NBEA: variants seen among roughly 807,000 people sequenced by gnomAD.
NBEA encodes the protein neurobeachin, also known as lysosomal-trafficking regulator 2.
In NBEA, 44 loss-of-function variants were observed where a neutral mutation model predicts 343.4. That is an observed-to-expected ratio of 0.13 (90% confidence interval 0.10 to 0.16). The LOEUF is 0.16. NBEA is among the 10% of genes least tolerant of loss of function. The pLI, the probability that NBEA is intolerant of heterozygous loss-of-function variation, is 1.00. For synonymous variants in NBEA, 1,175 were observed against 1,238.7 expected (o/e 0.95, Z 1.08); for missense variants, 2,555 against 3,631.3 (o/e 0.70, Z 7.62).
At position 35,578,117 on chromosome 13, in the gene NBEA, A is replaced by G. The variant is rs2080836701; in HGVS notation, c.7036-5781A>G. The stretch of plus-strand genomic sequence containing the variant: ...TCAATGTCTTAAAAGTATTGAGATA[A>G]CTAAAAGCTATTGTTAGAAGCCAGA... On this transcript the variant is annotated intron_variant, in intron 45 of 58. Transcript: ENST00000379939. Among the ~76,000 whole-genome samples, 8 of 152,338 alleles carry G rather than the reference A, an allele frequency of 5.3e-5. No individual in the cohort carries two copies. In the South Asian group the frequency reaches 1.7e-3, roughly 32 times the overall value.
intron 55 of NBEA, among the ~76,000 whole-genome samples, chr13:35,662,971 A>C (rs970479345): frequency 1.2e-4 from 18 of 152,172 alleles, no homozygotes; most frequent in Non-Finnish European, 1.5e-5. Flanking sequence ...AATCTTACAA[A>C]TACTTTTTTA....
At chr13:35,141,373 T>C (rs2068083711) in intron 17 of NBEA, among the ~76,000 whole-genome samples, 1 of 152,198 alleles carries the variant, frequency 6.6e-6, no homozygotes, top group Non-Finnish European at 1.5e-5. Context: ...TTTAAGCGAT[T>C]CTTCTGCCTC....
At chr13:35,670,292 C>CA (rs2085549413) in intron 58 of NBEA, among the ~76,000 whole-genome samples, 1 of 152,024 alleles carries the variant, frequency 6.6e-6, no homozygotes, top group Non-Finnish European at 1.5e-5. Flanking sequence ...GGAGAGGAGA[C>CA]AAGGTGACTT....
intron 34 of NBEA, among the ~76,000 whole-genome samples, chr13:35,283,327 G>T (rs1264233491): frequency 6.6e-6 from 1 of 152,074 alleles, no homozygotes; most frequent in African/African-American, 2.4e-5. Flanking sequence ...TGGGTATTGT[G>T]TAACTACAAT....
chr13:35,341,242 A>G (rs148311523), intron 36 of NBEA, among the ~76,000 whole-genome samples: 1 of 152,172 alleles, frequency 6.6e-6, no homozygotes, highest in Non-Finnish European at 1.5e-5. Context: ...CTTACACTCT[A>G]TGAAAAAATG....
At chr13:35,408,064 G>A (rs972686850) in intron 38 of NBEA, among the ~76,000 whole-genome samples, 2 of 152,032 alleles carry the variant, frequency 1.3e-5, no homozygotes, top group Non-Finnish European at 2.9e-5. Context: ...GCAATCATAA[G>A]CAAAAATAAT....
rs146005095 is a variant in NBEA at position 35,024,097 on chromosome 13, C to G, written c.295-16836C>G. ...TTTCTGATGGACTTAAAAGTGGGAG[C>G]TTATTTGTGTTCATGTGATAATTTG... On this transcript the variant is annotated intron_variant, in intron 1 of 58. Transcript: ENST00000379939. 2.7e-3 allele frequency among the ~76,000 whole-genome samples: 417 copies of G among 152,206 alleles called. 2 individuals are homozygous for G. Among genetic ancestry groups the G allele is most frequent in the African/African-American group, 8.6e-3 (357 of 41,542 alleles).
At chr13:35,098,923 G>A (rs752704049) in intron 11 of NBEA, among the ~76,000 whole-genome samples, 1 of 151,796 alleles carries the variant, frequency 6.6e-6, no homozygotes, top group Non-Finnish European at 1.5e-5. Flanking sequence ...CTCAGTTCTC[G>A]GACTGAAAAT....
chr13:35,303,555 C>T (rs886777288), intron 35 of NBEA, among the ~76,000 whole-genome samples: 2 of 152,082 alleles, frequency 1.3e-5, no homozygotes, highest in Non-Finnish European at 2.9e-5. Context: ...TGGGTGCCTT[C>T]ATGAATAATA....
chr13:35,573,926 T>G (rs1012357850), intron 45 of NBEA, among the ~76,000 whole-genome samples: 1 of 152,180 alleles, frequency 6.6e-6, no homozygotes, highest in African/African-American at 2.4e-5. Context: ...AACAAAATAT[T>G]AAGCAGTTAG....
chr13:35,328,953 T>C (rs539914288), intron 36 of NBEA, among the ~76,000 whole-genome samples: 10 of 151,948 alleles, frequency 6.6e-5, no homozygotes, highest in Non-Finnish European at 1.2e-4. Flanking sequence ...GATATAAAGA[T>C]AGACAGATCA....
At chr13:34,981,950 C>T (rs549042013) in intron 1 of NBEA, among the ~76,000 whole-genome samples, 3 of 150,900 alleles carry the variant, frequency 2.0e-5, no homozygotes, top group East Asian at 1.9e-4. Context: ...TTTATGTTCT[C>T]TCTTCTCTCT....
At chr13:35,107,858 T>C (rs2065993428) in intron 11 of NBEA, among the ~76,000 whole-genome samples, 1 of 151,962 alleles carries the variant, frequency 6.6e-6, no homozygotes, top group Non-Finnish European at 1.5e-5. Flanking sequence ...GTCCTGTGGG[T>C]GAAATTGGCC....
chr13:34,985,081 T>C lies in NBEA; in HGVS notation c.294+41967T>C, dbSNP rs548921178. Among the ~76,000 whole-genome samples, 3 of 151,214 alleles carry C rather than the reference T, an allele frequency of 2.0e-5. No individual in the cohort carries two copies. The East Asian group carries it at 5.8e-4, about 29-fold the overall frequency. ...CCAGAACTTACAACACTATGTTGAA[T>C]AGGAGTGGTGAGAGAGGGCATCCTT... On this transcript the variant is annotated intron_variant, in intron 1 of 58. Transcript: ENST00000379939.
chr13:34,974,202 A>C (rs907912275), intron 1 of NBEA, among the ~76,000 whole-genome samples: 10 of 152,136 alleles, frequency 6.6e-5, no homozygotes, highest in Non-Finnish European at 1.3e-4. Flanking sequence ...TTTCCTGATT[A>C]GTCCCAATGC....
intron 8 of NBEA, among the ~76,000 whole-genome samples, chr13:35,059,761 CAGAG>C (rs59580233): frequency 1.8e-4 from 20 of 111,086 alleles, no homozygotes; most frequent in East Asian, 6.4e-4. Context: ...TATATATATA[CAGAG>C]AGAGAGAGAG....
intron 35 of NBEA, among the ~76,000 whole-genome samples, chr13:35,295,465 G>A (rs994710965): frequency 1.3e-5 from 2 of 151,930 alleles, no homozygotes; most frequent in Admixed American, 1.3e-4. Context: ...GGTCAAATTT[G>A]GGCATTTAAT....
intron 1 of NBEA, among the ~76,000 whole-genome samples, chr13:34,959,414 A>T (rs1199684274): frequency 1.3e-5 from 2 of 152,090 alleles, no homozygotes; most frequent in African/African-American, 2.4e-5. Flanking sequence ...CTAAGTATAG[A>T]TTCCAATGGC....
At chr13:35,620,863 T>G (rs2082956000) in intron 48 of NBEA, among the ~76,000 whole-genome samples, 1 of 152,122 alleles carries the variant, frequency 6.6e-6, no homozygotes, top group African/African-American at 2.4e-5. Flanking sequence ...ATCTCTAGTC[T>G]TACAGAGGCA....
Sources: gnomAD v4.1 joint callset for allele counts (sites outside exome capture counted in the v4.1 genomes callset) on GRCh38, gnomAD v4.1.1 for gene constraint, MANE v1.5 for transcripts, NCBI Gene and HGNC (gene_info 2026-07-23, HGNC 2026-07-21) for gene names.